ADK: variants seen among roughly 807,000 people sequenced by gnomAD.
The protein encoded by ADK is adenosine kinase, also known as N6,N6-dimethyladenosine kinase.
A neutral mutation model predicts 44.7 loss-of-function variants in ADK; 24 were observed. The ratio of observed to expected loss-of-function variants is 0.54; its 90% CI spans 0.39 to 0.76. The LOEUF (loss-of-function observed/expected upper bound fraction) is 0.76, where lower values mean the gene tolerates loss of function less well. ADK is among the 30% of genes least tolerant of loss of function. The pLI is 0.00. For synonymous variants in ADK, 128 were observed against 142.6 expected, an observed-to-expected ratio of 0.90 and a Z score of 0.73; for missense variants, 321 against 425.1, an observed-to-expected ratio of 0.76 and a Z score of 2.15.
intron 1 of ADK, among the ~76,000 whole-genome samples, chr10:74,164,024 C>G (rs1406643896): frequency 6.6e-6 from 1 of 152,220 alleles, no homozygotes; most frequent in African/African-American, 2.4e-5. Context: ...TTGTCTATAT[C>G]TGTTCTCACC....
chr10:74,360,500 A>C (rs1352048405), intron 4 of ADK, among the ~76,000 whole-genome samples: 1 of 152,118 alleles, frequency 6.6e-6, no homozygotes, highest in Non-Finnish European at 1.5e-5. Flanking sequence ...ATCCCCTACT[A>C]TTATTGTATT....
intron 4 of ADK, among the ~76,000 whole-genome samples, chr10:74,356,235 G>A (rs1842144377): frequency 6.7e-6 from 1 of 150,140 alleles, no homozygotes; most frequent in Middle Eastern, 3.4e-3. Context: ...AGCCAGGATG[G>A]TCTCGATCTC....
intron 3 of ADK, among the ~76,000 whole-genome samples, chr10:74,264,760 T>C (rs1049139852): frequency 6.6e-6 from 1 of 152,210 alleles, no homozygotes; most frequent in Non-Finnish European, 1.5e-5. Flanking sequence ...TCTGGTAGTA[T>C]GTAATTTTTG....
chr10:74,354,639 G>A (rs1842074622), intron 4 of ADK, among the ~76,000 whole-genome samples: 1 of 152,098 alleles, frequency 6.6e-6, no homozygotes, highest in African/African-American at 2.4e-5. Context: ...GCGACCACCA[G>A]GTTTGGTGGG....
Position 74,542,944 on chromosome 10 carries a change from A to C in ADK, c.726+17518A>C, listed in dbSNP as rs1849692015. ...GAGATGGAGTCTCGCTCTGTCACCCAGGCTGGAGTGCAGTGGTGCGATCTC... is the reference window on the plus strand; with the variant it reads ...GAGATGGAGTCTCGCTCTGTCACCCCGGCTGGAGTGCAGTGGTGCGATCTC... On this transcript the variant is annotated intron_variant, in intron 7 of 10. Transcript: ENST00000539909. Among the ~76,000 whole-genome samples the C allele has an allele frequency of 2.0e-5, 3 of 151,948 alleles. No homozygotes were observed. In the South Asian group the frequency reaches 6.2e-4, roughly 32 times the overall value.
chr10:74,267,928 A>G (rs1331581181), intron 3 of ADK, among the ~76,000 whole-genome samples: 1 of 151,976 alleles, frequency 6.6e-6, no homozygotes, highest in Non-Finnish European at 1.5e-5. Flanking sequence ...ATGGATTAAG[A>G]GTGTTGAAGG....
At chr10:74,161,311 C>A (rs561648073) in intron 1 of ADK, among the ~76,000 whole-genome samples, 1 of 152,126 alleles carries the variant, frequency 6.6e-6, no homozygotes, top group African/African-American at 2.4e-5. Flanking sequence ...AAGCAATTCT[C>A]CTGCCTCAGC....
At chr10:74,355,903 T>A (rs1422927163) in intron 4 of ADK, among the ~76,000 whole-genome samples, 1 of 151,494 alleles carries the variant, frequency 6.6e-6, no homozygotes, top group Non-Finnish European at 1.5e-5. Context: ...TATTTGCCAA[T>A]CAATCCACGG....
At chr10:74,441,417 C>G (rs1447951177) in intron 6 of ADK, among the ~76,000 whole-genome samples, 6 of 152,090 alleles carry the variant, frequency 3.9e-5, no homozygotes, top group Admixed American at 3.3e-4. Context: ...AAATGAAAAC[C>G]TGTGTTTACA....
intron 7 of ADK, among the ~76,000 whole-genome samples, chr10:74,553,135 A>G (rs928268342): frequency 6.7e-6 from 1 of 149,762 alleles, no homozygotes; most frequent in Non-Finnish European, 1.5e-5. Flanking sequence ...GTGCAAGAAG[A>G]TTCATAGCAG....
At chr10:74,609,155 G>A (rs112332745) in intron 9 of ADK, among the ~76,000 whole-genome samples, 3,290 of 152,268 alleles carry the variant, frequency 0.022, 137 homozygotes, top group African/African-American at 0.075. Flanking sequence ...TCAAGCCAGT[G>A]GATCTTAGCT....
At chr10:74,541,803 C>CCA (rs1462786573) in intron 7 of ADK, among the ~76,000 whole-genome samples, 1 of 138,930 alleles carries the variant, frequency 7.2e-6, no homozygotes, top group Non-Finnish European at 1.6e-5. Flanking sequence ...CACCCCCCCC[C>CCA]CCTAAAAAAA....
intron 10 of ADK, among the ~76,000 whole-genome samples, chr10:74,678,911 C>T (rs1382214599): frequency 1.3e-5 from 2 of 152,172 alleles, no homozygotes; most frequent in Admixed American, 1.3e-4. Flanking sequence ...CTGTCTGATA[C>T]ATCCAACATG....
intron 7 of ADK, among the ~76,000 whole-genome samples, chr10:74,529,530 A>T (rs766567332): frequency 2.6e-5 from 4 of 152,206 alleles, no homozygotes; most frequent in Non-Finnish European, 4.4e-5. Context: ...AGTTTACCAC[A>T]ATTTTTTTGA....
chr10:74,237,632 A>G (rs1024201261), intron 3 of ADK, among the ~76,000 whole-genome samples: 2 of 152,218 alleles, frequency 1.3e-5, no homozygotes, highest in African/African-American at 2.4e-5. Flanking sequence ...TATGGCAGCT[A>G]TAGTCTTGCA....
intron 3 of ADK, among the ~76,000 whole-genome samples, chr10:74,307,682 A>C (rs1359518362): frequency 6.6e-6 from 1 of 152,222 alleles, no homozygotes; most frequent in Non-Finnish European, 1.5e-5. Flanking sequence ...GAGAGAAATA[A>C]TTAGCTAGTT....
At chr10:74,514,604 C>CT (rs1848487167) in intron 6 of ADK, among the ~76,000 whole-genome samples, 1 of 151,970 alleles carries the variant, frequency 6.6e-6, no homozygotes, top group Non-Finnish European at 1.5e-5. Context: ...CTGCTTCATT[C>CT]TTTTTTATGA....
chr10:74,541,843 C>G (rs1849651338), intron 7 of ADK, among the ~76,000 whole-genome samples: 2 of 129,162 alleles, frequency 1.5e-5, no homozygotes, highest in South Asian at 5.3e-4. Flanking sequence ...GCTATTGTGT[C>G]TTTTTTCATG....
intron 7 of ADK, among the ~76,000 whole-genome samples, chr10:74,569,990 A>C (rs1850879160): frequency 6.6e-6 from 1 of 152,112 alleles, no homozygotes; most frequent in Admixed American, 6.5e-5. Flanking sequence ...CTTTCTACTT[A>C]TGGCTAGCCA....
Sources: allele counts gnomAD v4.1 joint callset (sites outside exome capture counted in the v4.1 genomes callset), GRCh38; gene constraint gnomAD v4.1.1; transcripts MANE v1.5; gene names NCBI Gene and HGNC (gene_info 2026-07-23, HGNC 2026-07-21).